WWOX: variants seen among roughly 807,000 people sequenced by gnomAD.
WWOX encodes the protein WW domain-containing oxidoreductase.
In WWOX, 69 loss-of-function variants were observed where a neutral mutation model predicts 46.2. That is an observed-to-expected ratio of 1.49 (90% confidence interval 1.23 to 1.82). The LOEUF (loss-of-function observed/expected upper bound fraction) is 1.82, where lower values mean the gene tolerates loss of function less well. Ranked by LOEUF, WWOX falls within the 40% of genes most tolerant of loss-of-function variation. The pLI is 0.00. For synonymous variants in WWOX, 359 were observed against 202.6 expected (o/e 1.77, Z -6.56); for missense variants, 919 against 542.6 (o/e 1.69, Z -6.89).
At chr16:78,626,162 G>T (rs2046306662) in intron 8 of WWOX, among the ~76,000 whole-genome samples, 1 of 151,554 alleles carries the variant, frequency 6.6e-6, no homozygotes. Context: ...ATGGAGTCTG[G>T]CTCTTTTGCC....
chr16:78,143,369 G>A (rs1052271877), intron 4 of WWOX, among the ~76,000 whole-genome samples: 7 of 152,126 alleles, frequency 4.6e-5, no homozygotes, highest in Non-Finnish European at 1.0e-4. Context: ...TTTTGCTTCA[G>A]GTCAGTTTAG....
intron 5 of WWOX, among the ~76,000 whole-genome samples, chr16:78,192,646 G>GTCTCA (rs2035920147): frequency 6.6e-6 from 1 of 152,070 alleles, no homozygotes; most frequent in South Asian, 2.1e-4. Context: ...TACCGTTATT[G>GTCTCA]TCTCACTGGT....
intron 8 of WWOX, chr16:79,077,842 G>A (rs1440854594): frequency 6.6e-6 from 1 of 152,106 alleles, no homozygotes; most frequent in African/African-American, 2.4e-5. Context: ...GAAGTCCTGT[G>A]CAAGGATCGT....
intron 8 of WWOX, among the ~76,000 whole-genome samples, chr16:78,871,562 CA>C (rs1286986296): frequency 6.6e-6 from 1 of 152,152 alleles, no homozygotes; most frequent in Non-Finnish European, 1.5e-5. Context: ...GCTGTGGTGA[CA>C]ATCTAAATCC....
intron 5 of WWOX, among the ~76,000 whole-genome samples, chr16:78,372,595 T>G (rs2081719093): frequency 6.6e-6 from 1 of 152,204 alleles, no homozygotes; most frequent in Non-Finnish European, 1.5e-5. Context: ...CCATCTGAAC[T>G]GGATCTAGAG....
intron 8 of WWOX, among the ~76,000 whole-genome samples, chr16:79,046,005 T>G (rs895378533): frequency 1.3e-5 from 2 of 152,016 alleles, no homozygotes; most frequent in Non-Finnish European, 2.9e-5. Context: ...TTTCACCATG[T>G]TGGCCAGGCT....
intron 8 of WWOX, among the ~76,000 whole-genome samples, chr16:78,915,697 T>TAA (rs66954267): frequency 5.2e-5 from 5 of 96,074 alleles, no homozygotes; most frequent in African/African-American, 2.1e-4. Context: ...CCAAAGCCAT[T>TAA]TAAAAAAAAA....
intron 8 of WWOX, among the ~76,000 whole-genome samples, chr16:78,946,821 G>T (rs1321474609): frequency 1.3e-5 from 2 of 152,108 alleles, no homozygotes; most frequent in African/African-American, 4.8e-5. Context: ...TAAGAACTGC[G>T]GTAGCAAGGA....
intron 8 of WWOX, among the ~76,000 whole-genome samples, chr16:78,815,248 C>T (rs1005374948): frequency 6.6e-6 from 1 of 151,836 alleles, no homozygotes; most frequent in Non-Finnish European, 1.5e-5. Flanking sequence ...TTCCTTAAGC[C>T]TCGGAGATGG....
intron 8 of WWOX, among the ~76,000 whole-genome samples, chr16:78,777,204 A>G (rs2050212990): frequency 2.0e-5 from 3 of 151,310 alleles, no homozygotes; most frequent in Non-Finnish European, 4.4e-5. Flanking sequence ...CAGAGGCTGT[A>G]TTTTTTTTCC....
chr16:78,841,032 G>C (rs1166732141), intron 8 of WWOX, among the ~76,000 whole-genome samples: 2 of 152,118 alleles, frequency 1.3e-5, no homozygotes, highest in Non-Finnish European at 2.9e-5. Flanking sequence ...GCCATAGGCA[G>C]TCCAATATAA....
intron 8 of WWOX, among the ~76,000 whole-genome samples, chr16:79,147,387 A>T (rs1158057755): frequency 6.6e-6 from 1 of 152,208 alleles, no homozygotes; most frequent in African/African-American, 2.4e-5. Context: ...TTCACTCGGT[A>T]CAATTCCGTG....
At chr16:78,198,825 T>TA (rs1281120562) in intron 5 of WWOX, among the ~76,000 whole-genome samples, 1 of 152,224 alleles carries the variant, frequency 6.6e-6, no homozygotes, top group Non-Finnish European at 1.5e-5. Flanking sequence ...TGCATACATA[T>TA]ATGTAATGGT....
At chr16:78,641,576 T>C (rs1008890796) in intron 8 of WWOX, among the ~76,000 whole-genome samples, 3 of 151,904 alleles carry the variant, frequency 2.0e-5, no homozygotes, top group Non-Finnish European at 4.4e-5. Flanking sequence ...CCTAAATAGG[T>C]AGAAGGAAGG....
intron 8 of WWOX, among the ~76,000 whole-genome samples, chr16:78,543,904 C>T: frequency 6.6e-6 from 1 of 152,066 alleles, no homozygotes; most frequent in East Asian, 1.9e-4. Flanking sequence ...CTTTAATCAT[C>T]AATAAACTAA....
intron 8 of WWOX, among the ~76,000 whole-genome samples, chr16:79,135,385 T>C (rs2049963447): frequency 6.6e-6 from 1 of 152,226 alleles, no homozygotes; most frequent in African/African-American, 2.4e-5. Context: ...TTAATTCTTT[T>C]AAAAGGCTGC....
intron 8 of WWOX, chr16:78,873,090 C>T (rs1165210976): frequency 6.6e-6 from 1 of 152,234 alleles, no homozygotes; most frequent in Non-Finnish European, 1.5e-5. Context: ...AGTCACCACA[C>T]CCAGCCCAGA....
At chr16:79,129,204 G>A (rs1305956895) in intron 8 of WWOX, among the ~76,000 whole-genome samples, 3 of 151,724 alleles carry the variant, frequency 2.0e-5, no homozygotes, top group Non-Finnish European at 4.4e-5. Flanking sequence ...TCTAAGAGAA[G>A]GTGGGGAGAG....
chr16:78,976,762 T>C (rs1016021284), intron 8 of WWOX, among the ~76,000 whole-genome samples: 1 of 152,202 alleles, frequency 6.6e-6, no homozygotes, highest in African/African-American at 2.4e-5. Context: ...TTACTGCAAC[T>C]ACCGTTTAAA....
Sources: gnomAD v4.1 joint callset for allele counts (sites outside exome capture counted in the v4.1 genomes callset) on GRCh38, gnomAD v4.1.1 for gene constraint, MANE v1.5 for transcripts, NCBI Gene and HGNC (gene_info 2026-07-23, HGNC 2026-07-21) for gene names.